Variants in ATP8A2 observed in about 807,000 individuals in gnomAD.
ATP8A2 encodes phospholipid-transporting ATPase IB.
Under a neutral mutation model 165.6 loss-of-function variants are expected in ATP8A2, and 100 were observed. That is an observed-to-expected ratio of 0.60 (90% confidence interval 0.51 to 0.71). ATP8A2 has a LOEUF of 0.71. Ranked by LOEUF, ATP8A2 falls within the 30% of genes least tolerant of loss-of-function variation. The pLI, the probability that ATP8A2 is intolerant of heterozygous loss-of-function variation, is 0.00. For missense variants in ATP8A2, 1,227 were observed against 1,479.5 expected (o/e 0.83, Z 2.80); for synonymous variants, 543 against 548.8 (o/e 0.99, Z 0.15).
At chr13:25,520,808 G>T (rs1305816721) in intron 2 of ATP8A2, among the ~76,000 whole-genome samples, 3 of 151,916 alleles carry the variant, frequency 2.0e-5, no homozygotes, top group Admixed American at 2.0e-4. Context: ...TAGAGACAAG[G>T]TTTCACCATG....
intron 27 of ATP8A2, among the ~76,000 whole-genome samples, chr13:25,815,661 A>G (rs1950997482): frequency 6.6e-6 from 1 of 152,230 alleles, no homozygotes; most frequent in Non-Finnish European, 1.5e-5. Flanking sequence ...GAATTACTAT[A>G]TGATCCAGCA....
intron 24 of ATP8A2, among the ~76,000 whole-genome samples, chr13:25,682,638 C>T (rs1311729557): frequency 1.3e-5 from 2 of 152,214 alleles, no homozygotes; most frequent in Non-Finnish European, 2.9e-5. Flanking sequence ...GATTGAGTTA[C>T]AGCCCGAAGA....
At chr13:25,679,194 G>T (rs2042432707) in intron 24 of ATP8A2, among the ~76,000 whole-genome samples, 1 of 152,150 alleles carries the variant, frequency 6.6e-6, no homozygotes, top group Non-Finnish European at 1.5e-5. Context: ...TTAACCTAGA[G>T]GCAGAAAGAG....
chr13:25,661,769 C>G (rs1292170480), intron 24 of ATP8A2, among the ~76,000 whole-genome samples: 1 of 152,066 alleles, frequency 6.6e-6, no homozygotes, highest in Admixed American at 6.6e-5. Context: ...TCAGCACATT[C>G]TTGGAGAGTG....
At chr13:25,952,384 C>CTTT (rs11423629) in intron 33 of ATP8A2, among the ~76,000 whole-genome samples, 16 of 147,368 alleles carry the variant, frequency 1.1e-4, no homozygotes, top group African/African-American at 3.0e-4. Context: ...TCTTTTTCTT[C>CTTT]TTTTTTTTTT....
chr13:25,530,041 G>A lies in ATP8A2; in HGVS notation c.264G>A (p.Leu88=). The change falls in exon 3 of 37, where the codon TTG becomes TTA. Residue 88 remains leucine (L), a synonymous_variant. Transcript: ENST00000381655. ...TGTTGACATTTCTACCTCGATTCTT[G>A]TATGAGCAGATTAGAAGAGCTGCTA... ...YSVLTFLPRF[L]YEQIRRAANA... is the part of the protein sequence containing the mutation. 6.2e-7 allele frequency: 1 copy of A among 1,613,120 alleles called. No homozygotes were observed. The highest frequency in any genetic ancestry group is 8.5e-7 in the Non-Finnish European group (1 of 1,179,342).
chr13:25,502,039 G>A (rs1002674478), intron 2 of ATP8A2, among the ~76,000 whole-genome samples: 1 of 152,214 alleles, frequency 6.6e-6, no homozygotes, highest in African/African-American at 2.4e-5. Context: ...TATTAACAAT[G>A]CAAGTTCAGA....
intron 24 of ATP8A2, among the ~76,000 whole-genome samples, chr13:25,690,243 G>A (rs1439627717): frequency 1.3e-5 from 2 of 152,070 alleles, no homozygotes; most frequent in African/African-American, 2.4e-5. Context: ...GAGCCTGAGT[G>A]CATAAATAGT....
At chr13:25,452,661 A>T (rs1291806167) in intron 1 of ATP8A2, among the ~76,000 whole-genome samples, 1 of 152,248 alleles carries the variant, frequency 6.6e-6, no homozygotes, top group Non-Finnish European at 1.5e-5. Context: ...TCAAATATTT[A>T]AAACAGTAAA....
chr13:25,714,377 C>T (rs1185426843), intron 25 of ATP8A2, among the ~76,000 whole-genome samples: 1 of 152,146 alleles, frequency 6.6e-6, no homozygotes, highest in African/African-American at 2.4e-5. Context: ...ATGTCACCCT[C>T]TCAGCTCAAG....
intron 23 of ATP8A2, among the ~76,000 whole-genome samples, chr13:25,582,406 C>T (rs1017844674): frequency 6.6e-6 from 1 of 152,162 alleles, no homozygotes; most frequent in Non-Finnish European, 1.5e-5. Flanking sequence ...GACTGCAGAG[C>T]ATCACAGAGA....
intron 1 of ATP8A2, among the ~76,000 whole-genome samples, chr13:25,410,217 T>C (rs976337154): frequency 2.0e-5 from 3 of 152,104 alleles, no homozygotes; most frequent in South Asian, 2.1e-4. Flanking sequence ...TGGTTTTTTT[T>C]CCCCCTTATG....
At chr13:25,913,693 G>A (rs1954187412) in intron 33 of ATP8A2, among the ~76,000 whole-genome samples, 1 of 152,118 alleles carries the variant, frequency 6.6e-6, no homozygotes, top group Non-Finnish European at 1.5e-5. Context: ...TAGAAATTAA[G>A]TTATCTTAGG....
intron 24 of ATP8A2, among the ~76,000 whole-genome samples, chr13:25,678,237 A>G (rs1354271669): frequency 6.6e-6 from 1 of 152,132 alleles, no homozygotes; most frequent in Admixed American, 6.5e-5. Context: ...TCACCAAGCT[A>G]GTAGTTGTGG....
intron 35 of ATP8A2, among the ~76,000 whole-genome samples, chr13:25,969,145 A>C (rs1955856389): frequency 6.6e-6 from 1 of 152,202 alleles, no homozygotes. Context: ...ATGGGGGAGT[A>C]GTTTTTAATG....
intron 1 of ATP8A2, among the ~76,000 whole-genome samples, chr13:25,442,006 T>G (rs1416641478): frequency 6.6e-6 from 1 of 152,258 alleles, no homozygotes; most frequent in Non-Finnish European, 1.5e-5. Flanking sequence ...AATCACTTTT[T>G]GCTTATTTCA....
At chr13:25,690,880 A>T (rs569495277) in intron 24 of ATP8A2, among the ~76,000 whole-genome samples, 1 of 152,360 alleles carries the variant, frequency 6.6e-6, no homozygotes, top group East Asian at 1.9e-4. Flanking sequence ...GTAAGTCTAC[A>T]CAGAGACCAG....
chr13:25,880,857 T>C (rs1414875997), intron 33 of ATP8A2: 1 of 451,798 alleles, frequency 2.2e-6, no homozygotes, highest in Admixed American at 2.4e-5. Context: ...TGGCTCATTT[T>C]ACCAGTTTCT....
At chr13:25,782,657 T>C (rs1471684487) in intron 27 of ATP8A2, among the ~76,000 whole-genome samples, 1 of 152,220 alleles carries the variant, frequency 6.6e-6, no homozygotes, top group Non-Finnish European at 1.5e-5. Context: ...CTTGTATACT[T>C]TACATCATCT....
Sources: gnomAD v4.1 joint callset for allele counts (sites outside exome capture counted in the v4.1 genomes callset) on GRCh38, gnomAD v4.1.1 for gene constraint, MANE v1.5 for transcripts, NCBI Gene and HGNC (gene_info 2026-07-23, HGNC 2026-07-21) for gene names.